KAT14: variants seen among roughly 807,000 people sequenced by gnomAD.
The protein encoded by KAT14 is lysine acetyltransferase 14.
A neutral mutation model predicts 78.4 loss-of-function variants in KAT14; 66 were observed. The ratio of observed to expected loss-of-function variants is 0.84; its 90% CI spans 0.69 to 1.03. The LOEUF is 1.03. Among genes scored for constraint, KAT14 ranks in the 50% least tolerant of loss-of-function variants. The probability of loss-of-function intolerance (pLI) is 0.00; values close to 1 mark genes in which losing one functional copy is unlikely to be tolerated. For missense variants in KAT14, 870 were observed against 972.5 expected, an observed-to-expected ratio of 0.89 and a Z score of 1.40; for synonymous variants, 344 against 359.4, an observed-to-expected ratio of 0.96 and a Z score of 0.48.
intron 7 of KAT14, among the ~76,000 whole-genome samples, chr20:18,170,396 G>A (rs1162329601): frequency 6.6e-6 from 1 of 152,062 alleles, no homozygotes; most frequent in Non-Finnish European, 1.5e-5. Context: ...AAAATCTTAG[G>A]GCCCTTATAA....
Position 18,143,629 on chromosome 20 carries a change from TTTA to T in KAT14, c.259+713_259+715del, listed in dbSNP as rs1214837445. Among the ~76,000 whole-genome samples the T allele has an allele frequency of 2.2e-4, 30 of 135,178 alleles. 3 individuals are homozygous for T. Among genetic ancestry groups the T allele is most frequent in the East Asian group, 4.0e-4 (2 of 5,040 alleles). 88.7% of individuals were successfully genotyped at this position (135,178 alleles called of 152,430 possible). A position where few individuals can be genotyped will look rare whatever the true frequency, so the allele number is the denominator to read the frequency against. ...ACACCTGGCTAATTTTTTTTTTTAT[TTTA>T]TTTTTTTTTTTTGAGACGGAGTTTT... is the stretch of plus-strand genomic sequence containing the variant. On this transcript the variant is annotated intron_variant, in intron 2 of 10. Transcript: ENST00000688188.
chr20:18,181,818 A>T lies in KAT14; in HGVS notation c.1777A>T (p.Thr593Ser), dbSNP rs990171946. Reference protein sequence around the residue: ...AVDQSIVSPYTSRILKPYIRR... With the variant: ...AVDQSIVSPYSSRILKPYIRR... Reference sequence around the variant, plus strand: ...GGACCAGAGTATTGTCAGCCCTTATACCTCTCGGATCTTGAAACCTTATAT... The same window carrying T: ...GGACCAGAGTATTGTCAGCCCTTATTCCTCTCGGATCTTGAAACCTTATAT... The change falls in exon 8 of 11, where the codon ACC becomes TCC. Residue 593 changes from threonine to serine, a missense_variant. By Grantham distance (58) the Thr-to-Ser change is moderately conservative. Coordinates refer to ENST00000688188, the MANE Select transcript of KAT14 (RefSeq NM_001392073.1). The T allele has an allele frequency of 5.6e-6, 9 of 1,613,954 alleles. No homozygotes were observed. Among genetic ancestry groups the T allele is most frequent in the South Asian group, 1.1e-5 (1 of 91,078 alleles).
intron 7 of KAT14, among the ~76,000 whole-genome samples, chr20:18,172,972 C>T (rs1337009343): frequency 2.6e-5 from 4 of 152,092 alleles, no homozygotes; most frequent in South Asian, 2.1e-4. Flanking sequence ...GTTTTCTCTC[C>T]GGTCAGCTGG....
At chr20:18,142,109 T>A in intron 1 of KAT14, 99 bp from the exon 2 acceptor site, 1 of 1,235,730 alleles carries the variant, frequency 8.1e-7, no homozygotes, top group Non-Finnish European at 1.1e-6. Flanking sequence ...CTGAAAGTTT[T>A]AAGTATATTT....
At chr20:18,148,603 A>ATTTTTTTT (rs978610988) in intron 3 of KAT14, among the ~76,000 whole-genome samples, 1 of 142,870 alleles carries the variant, frequency 7.0e-6, no homozygotes, top group African/African-American at 2.6e-5. Flanking sequence ...ACTGGGGTTC[A>ATTTTTTTT]TTTTTTTTTG....
At chr20:18,139,707 A>C (rs900793681) in intron 1 of KAT14, among the ~76,000 whole-genome samples, 7 of 147,690 alleles carry the variant, frequency 4.7e-5, no homozygotes, top group Admixed American at 2.1e-4. Flanking sequence ...CCGGTTCTTC[A>C]TTAGGGGCTT....
At chr20:18,143,472 T>G in intron 2 of KAT14, among the ~76,000 whole-genome samples, 1 of 127,380 alleles carries the variant, frequency 7.9e-6, no homozygotes, top group East Asian at 2.1e-4. Flanking sequence ...CTTTTCTTTC[T>G]TTTTTTTTTT....
rs1278612378 is a variant in KAT14 at position 18,145,234 on chromosome 20, T to A, written c.261T>A (p.Ser87Arg). The change falls in exon 3 of 11, where the codon AGT becomes AGA. Residue 87 changes from serine (S) to arginine (R), a missense_variant and splice_region_variant. Physicochemically the swap from Ser to Arg is moderately radical, Grantham distance 110. Coordinates refer to ENST00000688188, the MANE Select transcript of KAT14 (RefSeq NM_001392073.1). ...TGTGACTTTTTGTTTTTCTCCTAGG[T>A]CAGCTGAGGGAACAGCTCAGTTACC... Reference protein sequence around the residue: ...CDKCQKWIPASQLREQLSYLK... With the variant: ...CDKCQKWIPARQLREQLSYLK... 2 of 1,613,926 alleles carry A rather than the reference T, an allele frequency of 1.2e-6. No individual in the cohort carries two copies. Among genetic ancestry groups the A allele is most frequent in the Non-Finnish European group, 1.7e-6 (2 of 1,179,940 alleles).
intron 2 of KAT14, 97 bp from the exon 3 acceptor site, chr20:18,145,136 A>G (rs1013048387): frequency 6.8e-7 from 1 of 1,479,454 alleles, no homozygotes; most frequent in Middle Eastern, 2.5e-4. Context: ...AAAGAAGACA[A>G]CATGGGAAAG....
At position 18,142,356 on chromosome 20, in the gene KAT14, G is replaced by C; in HGVS notation, c.-305G>C. ...TTGGCAAAAGGATCTCAAAAATCAT[G>C]ACTTGAATGTGAAATATCTGTTGGA... On this transcript the variant is annotated 5_prime_UTR_variant, in exon 2 of 11. The change abolishes an upstream ATG in the 5' untranslated region. Transcript: ENST00000688188. 3.3e-6 allele frequency: 5 copies of C among 1,535,956 alleles called. No homozygotes were observed. The highest frequency in any genetic ancestry group is 3.3e-4 in the Middle Eastern group (2 of 5,988).
At chr20:18,156,176 C>T (rs544932736) in intron 4 of KAT14, among the ~76,000 whole-genome samples, 1 of 152,208 alleles carries the variant, frequency 6.6e-6, no homozygotes, top group South Asian at 2.1e-4. Flanking sequence ...ATCTGAGATA[C>T]TTAGGGTAGT....
chr20:18,179,769 T>G (rs2039181096), intron 7 of KAT14, among the ~76,000 whole-genome samples: 1 of 152,226 alleles, frequency 6.6e-6, no homozygotes, highest in African/African-American at 2.4e-5. Flanking sequence ...AAAAATAGGT[T>G]TTTCTTTTCT....
At chr20:18,177,950 C>T (rs1387239837) in intron 7 of KAT14, among the ~76,000 whole-genome samples, 1 of 152,234 alleles carries the variant, frequency 6.6e-6, no homozygotes, top group East Asian at 1.9e-4. Context: ...ACAGAGGCCT[C>T]TTCCTCATTG....
intron 6 of KAT14, 57 bp from the exon 7 acceptor site, chr20:18,162,320 G>C (rs758265941): frequency 1.5e-4 from 235 of 1,603,728 alleles, no homozygotes; most frequent in Non-Finnish European, 1.8e-4. Flanking sequence ...CGTGGGCTGT[G>C]TGCTCTGCAT....
Position 18,162,733 on chromosome 20 carries a change from G to A in KAT14, c.1456G>A (p.Glu486Lys). 1.2e-6 allele frequency: 2 copies of A among 1,614,226 alleles called. No homozygotes were observed. Among genetic ancestry groups the A allele is most frequent in the Non-Finnish European group, 1.7e-6 (2 of 1,180,048 alleles). ...ACPGAVAMTP[E>K]ARRLKRKLIV... ...TCCCGGTGCTGTTGCCATGACTCCG[G>A]AAGCTCGGAGACTGAAACGCAAACT... Residue 486 changes from glutamate to lysine, a missense_variant, in exon 7 of 11, where the codon GAA becomes AAA. Transcript: ENST00000688188.
chr20:18,141,052 T>G (rs868777319), intron 1 of KAT14, among the ~76,000 whole-genome samples: 1 of 59,296 alleles, frequency 1.7e-5, no homozygotes, highest in South Asian at 5.9e-4. Context: ...TTTTTATTTT[T>G]ATTTTTGCTA....
At chr20:18,181,051 G>C (rs2039228847) in intron 7 of KAT14, among the ~76,000 whole-genome samples, 1 of 152,140 alleles carries the variant, frequency 6.6e-6, no homozygotes, top group South Asian at 2.1e-4. Context: ...TTAATATTTA[G>C]TGAATGGGTT....
chr20:18,141,057 T>C, intron 1 of KAT14, among the ~76,000 whole-genome samples: 1 of 139,056 alleles, frequency 7.2e-6, no homozygotes, highest in South Asian at 2.3e-4. Context: ...ATTTTTATTT[T>C]TGCTAGAGAT....
chr20:18,165,985 C>G (rs973730588), intron 7 of KAT14, among the ~76,000 whole-genome samples: 3 of 152,084 alleles, frequency 2.0e-5, no homozygotes, highest in Non-Finnish European at 4.4e-5. Flanking sequence ...GGCCACGACG[C>G]CATAGGTTTA....
Sources: gnomAD v4.1 joint callset for allele counts (sites outside exome capture counted in the v4.1 genomes callset) on GRCh38, gnomAD v4.1.1 for gene constraint, MANE v1.5 for transcripts, NCBI Gene and HGNC (gene_info 2026-07-23, HGNC 2026-07-21) for gene names.